The following SSU72 variants were observed in gnomAD, a reference collection of about 807,000 sequenced individuals.
The protein encoded by SSU72 is SSU72 homolog, RNA polymerase II CTD phosphatase.
SSU72 carries 12 observed loss-of-function variants against 22.7 expected under a neutral mutation model. That is an observed-to-expected ratio of 0.53 (90% confidence interval 0.34 to 0.86). SSU72 has a LOEUF of 0.86. Among genes scored for constraint, SSU72 ranks in the 40% least tolerant of loss-of-function variants. The pLI is 0.02. For missense variants in SSU72, 151 were observed against 249.8 expected (o/e 0.60, Z 2.67); for synonymous variants, 116 against 98.3 (o/e 1.18, Z -1.06).
chr1:1,568,408 A>G (rs1642687664), intron 1 of SSU72, among the ~76,000 whole-genome samples: 1 of 152,108 alleles, frequency 6.6e-6, no homozygotes, highest in Non-Finnish European at 1.5e-5. Flanking sequence ...CCTGGCCAAC[A>G]TGACAAAACC....
chr1:1,572,306 T>C (rs1203203401), intron 1 of SSU72, among the ~76,000 whole-genome samples: 4 of 140,036 alleles, frequency 2.9e-5, no homozygotes, highest in Non-Finnish European at 4.6e-5. Context: ...CGGGCGCCTG[T>C]AGTCCCAGCT....
At chr1:1,559,366 A>G (rs1011480466) in intron 2 of SSU72, among the ~76,000 whole-genome samples, 3 of 152,288 alleles carry the variant, frequency 2.0e-5, no homozygotes, top group East Asian at 3.9e-4. Flanking sequence ...CTCAAAACCA[A>G]TTGTGGTGAC....
chr1:1,561,702 C>T (rs1055065124), intron 2 of SSU72: 2 of 152,404 alleles, frequency 1.3e-5, no homozygotes, highest in Non-Finnish European at 2.9e-5. Flanking sequence ...AGGCCAAGGG[C>T]ATCATGTGCA....
chr1:1,543,354 G>A (rs113916138), intron 4 of SSU72, among the ~76,000 whole-genome samples: 29 of 152,350 alleles, frequency 1.9e-4, no homozygotes, highest in African/African-American at 6.3e-4. Context: ...GTGGGGCTGT[G>A]TCCGCCACGG....
intron 1 of SSU72, among the ~76,000 whole-genome samples, chr1:1,569,835 C>T (rs1642707339): frequency 1.3e-5 from 2 of 152,140 alleles, no homozygotes; most frequent in African/African-American, 4.8e-5. Flanking sequence ...GTTCACTGAT[C>T]AGCTAGCTAC....
Position 1,542,342 on chromosome 1 carries a change from C to T in SSU72, c.484-175G>A, listed in dbSNP as rs755824174. On this transcript the variant is annotated intron_variant, in intron 4 of 4. Transcript: ENST00000291386. The surrounding 1 kb of genome is among the most constrained non-coding windows in gnomAD (Gnocchi z 4.4). Reference sequence around the variant, plus strand: ...ACGGCCGGAGGCTGCAGGGGGAGAGCGTCCCGGGCAGCCCCCACCTCCCCA... The same window carrying T: ...ACGGCCGGAGGCTGCAGGGGGAGAGTGTCCCGGGCAGCCCCCACCTCCCCA... 1.3e-5 allele frequency among the ~76,000 whole-genome samples: 2 copies of T among 152,150 alleles called. No individual in the cohort carries two copies. Among genetic ancestry groups the T allele is most frequent in the Admixed American group, 6.5e-5 (1 of 15,282 alleles).
intron 2 of SSU72, among the ~76,000 whole-genome samples, chr1:1,553,619 C>CAAAAAAAAAA (rs59261076): frequency 4.7e-4 from 47 of 100,586 alleles, no homozygotes; most frequent in Admixed American, 8.6e-4. Context: ...ACTAAAAATA[C>CAAAAAAAAAA]AAAAAAAAAA....
intron 2 of SSU72, among the ~76,000 whole-genome samples, chr1:1,553,331 TAAA>T (rs1339618539): frequency 1.3e-5 from 2 of 151,992 alleles, no homozygotes; most frequent in African/African-American, 4.8e-5. Context: ...TTTAGTTATT[TAAA>T]AAAATAATAA....
intron 2 of SSU72, among the ~76,000 whole-genome samples, chr1:1,559,325 G>T (rs917495022): frequency 6.6e-6 from 1 of 152,216 alleles, no homozygotes; most frequent in African/African-American, 2.4e-5. Flanking sequence ...AGAATGGGCA[G>T]CAGCAAACGG....
chr1:1,544,708 G>T, intron 3 of SSU72, 155 bp downstream of exon 3: 3 of 1,011,704 alleles, frequency 3.0e-6, no homozygotes, highest in Non-Finnish European at 4.6e-6. Context: ...GCGACCAGCG[G>T]CCCTGCCTGC....
chr1:1,544,990 A>G lies in SSU72; in HGVS notation c.237T>C (p.Asn79=). The G allele has an allele frequency of 1.2e-6, 2 of 1,614,076 alleles. No individual in the cohort carries two copies. The highest frequency in any genetic ancestry group is 1.7e-6 in the Non-Finnish European group (2 of 1,179,996). ...LRKDKELYTQ[N]GILHMLDRNK... ...TTCTGTCCAGCATATGTAAAATCCCATTCTGTGTATAGCTACACATGGGAG... is the reference window on the plus strand; with the variant it reads ...TTCTGTCCAGCATATGTAAAATCCCGTTCTGTGTATAGCTACACATGGGAG... The change falls in exon 3 of 5, where the codon AAT becomes AAC. Residue 79 remains asparagine (N), a synonymous_variant. Transcript: ENST00000291386.
chr1:1,543,089 G>A (rs1331108377), intron 4 of SSU72, among the ~76,000 whole-genome samples: 2 of 152,248 alleles, frequency 1.3e-5, no homozygotes, highest in African/African-American at 4.8e-5. Flanking sequence ...ACGGTGCGTG[G>A]GGCTCTCCTC....
rs538240399 is a variant in SSU72 at position 1,549,481 on chromosome 1, C to T, written c.225-4479G>A. ...CTTGCAGTGAGCAAGATCGCACCAC[C>T]GCACTCCAGCCTGGGGGACAGAGCG... On this transcript the variant is annotated intron_variant, in intron 2 of 4. Transcript: ENST00000291386. Among the ~76,000 whole-genome samples the T allele has an allele frequency of 3.8e-4, 56 of 148,674 alleles. 1 individual carries two copies. The South Asian group carries it at 1.0e-2, about 27-fold the overall frequency.
intron 3 of SSU72, 190 bp downstream of exon 3, chr1:1,544,673 C>A: frequency 1.5e-6 from 1 of 686,324 alleles, no homozygotes; most frequent in Non-Finnish European, 2.5e-6. Flanking sequence ...GCCCATGAGG[C>A]TGCAGCCAGC....
rs57824669 is a variant in SSU72 at position 1,573,265 on chromosome 1, C to CAA, written c.80+1211_80+1212dup. Among the ~76,000 whole-genome samples, 510 of 131,284 alleles carry CAA rather than the reference C, an allele frequency of 3.9e-3. 18 individuals are homozygous for CAA. Among genetic ancestry groups the CAA allele is most frequent in the African/African-American group, 0.013 (461 of 35,722 alleles). 86.1% of individuals were successfully genotyped at this position (131,284 alleles called of 152,430 possible). ...TGAAACTCCGTCTCTACTAAAAATACAAAAAAAAAAAAAAATTAGCCGTGC... is the reference window on the plus strand; with the variant it reads ...TGAAACTCCGTCTCTACTAAAAATACAAAAAAAAAAAAAAAAATTAGCCGTGC... On this transcript the variant is annotated intron_variant, in intron 1 of 4. Transcript: ENST00000291386.
chr1:1,550,757 C>T lies in SSU72; in HGVS notation c.225-5755G>A, dbSNP rs950361807. Among the ~76,000 whole-genome samples the T allele has an allele frequency of 5.9e-5, 9 of 152,310 alleles. No homozygotes were observed. The Middle Eastern group carries it at 0.01, about 173-fold the overall frequency. The stretch of plus-strand genomic sequence containing the variant: ...ACCACACCAGGGAGGACAAGCCTGC[C>T]GGAGCCAGGGACCATGGACTGGTGC... On this transcript the variant is annotated intron_variant, in intron 2 of 4. Transcript: ENST00000291386.
intron 2 of SSU72, among the ~76,000 whole-genome samples, chr1:1,558,204 T>TAAAAAAA (rs3073299): frequency 0.023 from 2,948 of 126,080 alleles, 82 homozygotes; most frequent in African/African-American, 0.048. Context: ...CTGTCTCAAT[T>TAAAAAAA]AAAAAAAAAA....
At chr1:1,546,456 G>A (rs1229490545) in intron 2 of SSU72, 1 of 152,198 alleles carries the variant, frequency 6.6e-6, no homozygotes, top group Non-Finnish European at 1.5e-5. Flanking sequence ...TCCATCTCTG[G>A]GGAACTTAGT....
At chr1:1,550,172 T>TAA (rs1642438866) in intron 2 of SSU72, among the ~76,000 whole-genome samples, 1 of 109,968 alleles carries the variant, frequency 9.1e-6, no homozygotes, top group African/African-American at 3.8e-5. Context: ...CGAGAGTGTC[T>TAA]CAAAAAAAAA....
Sources: gnomAD v4.1 joint callset for allele counts (sites outside exome capture counted in the v4.1 genomes callset) on GRCh38, gnomAD v4.1.1 for gene constraint, Gnocchi (gnomAD v3.1) non-coding constraint, MANE v1.5 for transcripts, NCBI Gene and HGNC (gene_info 2026-07-23, HGNC 2026-07-21) for gene names.